The following NTRK3 variants were observed in gnomAD, a reference collection of about 807,000 sequenced individuals.
NTRK3 encodes NT-3 growth factor receptor.
A neutral mutation model predicts 91.7 loss-of-function variants in NTRK3; 24 were observed. The ratio of observed to expected loss-of-function variants is 0.26; its 90% CI spans 0.19 to 0.37. The LOEUF (loss-of-function observed/expected upper bound fraction) is 0.37. NTRK3 is among the 10% of genes least tolerant of loss of function. NTRK3 has a pLI of 1.00. For synonymous variants in NTRK3, 483 were observed against 404.0 expected (o/e 1.20, Z -2.34); for missense variants, 880 against 1,068.9 (o/e 0.82, Z 2.46).
At chr15:88,249,277 G>A (rs777698280) in intron 3 of NTRK3, among the ~76,000 whole-genome samples, 2 of 152,192 alleles carry the variant, frequency 1.3e-5, no homozygotes, top group African/African-American at 2.4e-5. Flanking sequence ...AGGCCTCATC[G>A]AGTTGATTTC....
chr15:87,978,681 G>C (rs2073933082), intron 14 of NTRK3: 1 of 232,758 alleles, frequency 4.3e-6, no homozygotes, highest in Non-Finnish European at 8.5e-6. Flanking sequence ...AGAGGAAGTA[G>C]GGGGCAAGTA....
intron 17 of NTRK3, among the ~76,000 whole-genome samples, chr15:87,884,716 A>C (rs2065439845): frequency 6.6e-6 from 1 of 151,806 alleles, no homozygotes; most frequent in South Asian, 2.1e-4. Context: ...CTACTGTTAA[A>C]TTTACTAAAT....
chr15:88,181,983 CT>C (rs1274218099), intron 5 of NTRK3, among the ~76,000 whole-genome samples: 3 of 152,170 alleles, frequency 2.0e-5, no homozygotes, highest in Non-Finnish European at 4.4e-5. Context: ...AAATAAACAC[CT>C]GGAACATCTG....
intron 13 of NTRK3, among the ~76,000 whole-genome samples, chr15:88,101,881 G>A (rs2050212817): frequency 6.6e-6 from 1 of 152,108 alleles, no homozygotes; most frequent in African/African-American, 2.4e-5. Flanking sequence ...TGGGGGGAGT[G>A]GGGAAGGATA....
intron 3 of NTRK3, among the ~76,000 whole-genome samples, chr15:88,189,214 C>G (rs773052548): frequency 6.6e-6 from 1 of 152,142 alleles, no homozygotes; most frequent in Non-Finnish European, 1.5e-5. Flanking sequence ...TGCAGAGTCT[C>G]TTTGGCAATT....
chr15:88,144,590 G>A (rs1281471840), intron 6 of NTRK3, among the ~76,000 whole-genome samples: 1 of 152,108 alleles, frequency 6.6e-6, no homozygotes, highest in Non-Finnish European at 1.5e-5. Flanking sequence ...GCAGATCGGG[G>A]TAGTGATAAT....
chr15:87,955,071 C>T (rs1030536002), intron 14 of NTRK3, among the ~76,000 whole-genome samples: 1 of 152,192 alleles, frequency 6.6e-6, no homozygotes, highest in African/African-American at 2.4e-5. Flanking sequence ...TGATCTACTG[C>T]TAACATTTGT....
At chr15:88,059,647 G>A (rs536590507) in intron 13 of NTRK3, among the ~76,000 whole-genome samples, 68 of 152,232 alleles carry the variant, frequency 4.5e-4, no homozygotes, top group Non-Finnish European at 6.2e-4. Flanking sequence ...AACACCCATC[G>A]TGTGTGCAGT....
intron 3 of NTRK3, among the ~76,000 whole-genome samples, chr15:88,187,319 G>C (rs956303451): frequency 6.6e-6 from 1 of 152,100 alleles, no homozygotes; most frequent in Non-Finnish European, 1.5e-5. Flanking sequence ...AGCAGGTTCC[G>C]AGGAAGAGCA....
chr15:87,895,897 T>C (rs2066093585), intron 17 of NTRK3, among the ~76,000 whole-genome samples: 1 of 152,040 alleles, frequency 6.6e-6, no homozygotes, highest in Admixed American at 6.6e-5. Flanking sequence ...TTCCCATTGA[T>C]CCAGATCTTC....
rs538300272 is a variant in NTRK3, at chr15:88,099,175, C to T, written c.1396+27096G>A. The stretch of plus-strand genomic sequence containing the variant: ...CTGTGAGAGGCTCCAGGGAGGTGAC[C>T]GGTACAGTGTATTGGGCAGCTTATT... On this transcript the variant is annotated intron_variant, in intron 13 of 18. Coordinates refer to ENST00000394480, the Ensembl canonical transcript of NTRK3. 1.1e-4 allele frequency: 25 copies of T among 230,482 alleles called. No individual in the cohort carries two copies. In the East Asian group the frequency reaches 1.4e-3, roughly 13 times the overall value. The allele number at this position is 230,482 out of a possible 1,614,324, so 14.3% of individuals were successfully genotyped here.
chr15:88,119,665 C>T (rs2052489279), intron 13 of NTRK3, among the ~76,000 whole-genome samples: 1 of 152,124 alleles, frequency 6.6e-6, no homozygotes, highest in Admixed American at 6.5e-5. Context: ...CATGTCAATT[C>T]AGAGGAGGAA....
At position 88,187,889 on chromosome 15, in the gene NTRK3, A is replaced by G. The variant is rs186062348; in HGVS notation, c.249-3590T>C. 3.0e-4 allele frequency among the ~76,000 whole-genome samples: 45 copies of G among 150,694 alleles called. No homozygotes were observed. The East Asian group carries it at 7.9e-3, about 26-fold the overall frequency. On this transcript the variant is annotated intron_variant, in intron 3 of 18. Transcript: ENST00000394480. ...GCCGAGGCTGCAGTGAGCCGAGATC[A>G]CACCACTGCACTCCAGTGTGGACAA...
At chr15:88,168,422 G>A (rs1246665662) in intron 5 of NTRK3, among the ~76,000 whole-genome samples, 1 of 152,164 alleles carries the variant, frequency 6.6e-6, no homozygotes, top group East Asian at 1.9e-4. Context: ...GATCAGGGCT[G>A]GGAAAGGCAA....
intron 3 of NTRK3, among the ~76,000 whole-genome samples, chr15:88,204,992 T>G (rs758109593): frequency 4.6e-5 from 7 of 152,232 alleles, no homozygotes; most frequent in Admixed American, 1.3e-4. Flanking sequence ...TCTGAGATTC[T>G]TGTTACAGTC....
chr15:88,019,227 T>C (rs2077440851), intron 14 of NTRK3, among the ~76,000 whole-genome samples: 1 of 152,238 alleles, frequency 6.6e-6, no homozygotes, highest in African/African-American at 2.4e-5. Context: ...ATCTTCATTC[T>C]ACCCCCTGTA....
At chr15:88,071,173 G>C (rs1264637840) in intron 13 of NTRK3, among the ~76,000 whole-genome samples, 1 of 152,250 alleles carries the variant, frequency 6.6e-6, no homozygotes, top group African/African-American at 2.4e-5. Flanking sequence ...CCGATGAACT[G>C]AGGATTGCAC....
At chr15:88,017,203 C>A (rs1343253595) in intron 14 of NTRK3, among the ~76,000 whole-genome samples, 1 of 152,124 alleles carries the variant, frequency 6.6e-6, no homozygotes, top group African/African-American at 2.4e-5. Context: ...ATTGCTCCCT[C>A]ACAGAGGGGC....
At chr15:88,223,824 C>T (rs903247478) in intron 3 of NTRK3, among the ~76,000 whole-genome samples, 4 of 152,124 alleles carry the variant, frequency 2.6e-5, no homozygotes, top group African/African-American at 7.2e-5. Context: ...TTAGAAAGTT[C>T]GGCCCAGGGT....
Sources: allele counts gnomAD v4.1 joint callset (sites outside exome capture counted in the v4.1 genomes callset), GRCh38; gene constraint gnomAD v4.1.1; transcripts MANE v1.5; gene names NCBI Gene and HGNC (gene_info 2026-07-23, HGNC 2026-07-21).